MERTK: variants seen among roughly 807,000 people sequenced by gnomAD.
The protein encoded by MERTK is tyrosine-protein kinase Mer.
A neutral mutation model predicts 99.3 loss-of-function variants in MERTK; 69 were observed. The observed-to-expected ratio is 0.70, with a 90% confidence interval of 0.57 to 0.85. The LOEUF is 0.85. Among genes scored for constraint, MERTK ranks in the 40% least tolerant of loss-of-function variants. The pLI is 0.00. For missense variants in MERTK, 1,125 were observed against 1,249.4 expected (o/e 0.90, Z 1.50); for synonymous variants, 426 against 467.6 (o/e 0.91, Z 1.15).
chr2:112,019,608 A>G (rs570157738), intron 16 of MERTK, 86 bp downstream of exon 16: 15 of 1,006,082 alleles, frequency 1.5e-5, no homozygotes, highest in Middle Eastern at 2.3e-4. Flanking sequence ...GTTCCTGTTT[A>G]GATAGGCAAG....
intron 1 of MERTK, among the ~76,000 whole-genome samples, chr2:111,904,220 G>T (rs1684095837): frequency 6.6e-6 from 1 of 152,144 alleles, no homozygotes; most frequent in African/African-American, 2.4e-5. Flanking sequence ...ATAGCTTCTT[G>T]TCATGTGCCT....
chr2:112,006,926 G>A (rs1219662335), intron 13 of MERTK, among the ~76,000 whole-genome samples: 1 of 131,180 alleles, frequency 7.6e-6, no homozygotes, highest in African/African-American at 2.5e-5. Context: ...CAATAGGATG[G>A]TATAGACACT....
chr2:111,906,837 G>T (rs748283696), intron 1 of MERTK, among the ~76,000 whole-genome samples: 7 of 152,240 alleles, frequency 4.6e-5, no homozygotes, highest in Non-Finnish European at 8.8e-5. Context: ...AGCTTTGAGA[G>T]GAACCTGCAG....
chr2:111,997,871 G>A (rs568929404), intron 10 of MERTK, among the ~76,000 whole-genome samples: 1 of 152,334 alleles, frequency 6.6e-6, no homozygotes, highest in East Asian at 1.9e-4. Flanking sequence ...GGCCACCATG[G>A]CAAAATGTCA....
rs886402770 is a variant in MERTK at position 111,947,694 on chromosome 2, G to A, written c.757+127G>A. The A allele has an allele frequency of 4.5e-6, 5 of 1,116,986 alleles. No individual in the cohort carries two copies. The East Asian group carries it at 7.3e-5, about 16-fold the overall frequency. 69.2% of individuals were successfully genotyped at this position (1,116,986 alleles called of 1,614,324 possible). ...ATGAAAATACAGGTGTGGCAGCAAA[G>A]TTATGGGACCAGGTAGACGGGAAGG... On this transcript the variant is annotated intron_variant, in intron 4 of 18. Coordinates refer to ENST00000295408, the MANE Select transcript of MERTK (RefSeq NM_006343.3).
intron 15 of MERTK, 36 bp from the exon 16 acceptor site, chr2:112,019,377 A>G: frequency 6.5e-7 from 1 of 1,530,708 alleles, no homozygotes; most frequent in Non-Finnish European, 9.1e-7. Flanking sequence ...TCCTTTTTAA[A>G]AGATAGTCTT....
chr2:111,915,555 G>A (rs376056534), intron 1 of MERTK, among the ~76,000 whole-genome samples: 4 of 140,652 alleles, frequency 2.8e-5, no homozygotes, highest in African/African-American at 8.1e-5. Context: ...TTTTCATTTA[G>A]TTCAACGTAT....
intron 10 of MERTK, among the ~76,000 whole-genome samples, chr2:111,998,931 TC>T (rs754642250): frequency 6.2e-4 from 94 of 152,218 alleles, no homozygotes; most frequent in Non-Finnish European, 1.2e-3. Flanking sequence ...ATTCATTTGT[TC>T]CTTTTGTAAA....
chr2:111,990,305 A>G (rs544823871), intron 8 of MERTK, among the ~76,000 whole-genome samples: 20 of 152,382 alleles, frequency 1.3e-4, no homozygotes, highest in South Asian at 2.1e-4. Context: ...CTTTTAAAAT[A>G]TATGTCATAT....
chr2:111,900,369 C>T (rs113253619), intron 1 of MERTK, among the ~76,000 whole-genome samples: 1 of 152,206 alleles, frequency 6.6e-6, no homozygotes. Context: ...TCCACTGCCC[C>T]TCCCTCCACC....
rs775348346 is a variant in MERTK at position 112,021,454 on chromosome 2, A to G, written c.2222A>G (p.Asp741Gly). The G allele has an allele frequency of 3.1e-6, 5 of 1,613,722 alleles. No homozygotes were observed. Residue 741 changes from aspartate (D) to glycine (G), a missense_variant, in exon 17 of 19, where the codon GAC (aspartate) becomes GGC (glycine). Transcript: ENST00000295408. ...LRDDMTVCVA[D>G]FGLSKKIYSG... ...GATGACATGACTGTCTGTGTTGCGG[A>G]CTTCGGCCTCTCTAAGAAGATTTAC...
chr2:111,986,869 C>G (rs1676488108), intron 8 of MERTK, among the ~76,000 whole-genome samples: 1 of 152,128 alleles, frequency 6.6e-6, no homozygotes, highest in South Asian at 2.1e-4. Context: ...GGAAAACATT[C>G]TCTGATGCAG....
chr2:112,028,083 G>C (rs1340895113), intron 18 of MERTK: 1 of 501,016 alleles, frequency 2.0e-6, no homozygotes, highest in African/African-American at 1.9e-5. Flanking sequence ...TAAAGAAAGA[G>C]ACCTAAATAC....
chr2:111,983,587 C>T (rs1218626641), intron 8 of MERTK, among the ~76,000 whole-genome samples: 1 of 152,192 alleles, frequency 6.6e-6, no homozygotes, highest in African/African-American at 2.4e-5. Context: ...CATAACACAA[C>T]CAGGTGCATC....
chr2:111,967,193 G>C (rs191241437), intron 5 of MERTK, among the ~76,000 whole-genome samples: 1 of 152,176 alleles, frequency 6.6e-6, no homozygotes, highest in African/African-American at 2.4e-5. Context: ...GGGTCAGGCA[G>C]ACCAGAGTTC....
chr2:111,966,011 G>T (rs1380743396), intron 5 of MERTK, among the ~76,000 whole-genome samples: 1 of 152,104 alleles, frequency 6.6e-6, no homozygotes. Context: ...TGTTAAACTT[G>T]AAATTTGAAA....
intron 11 of MERTK, 48 bp from the exon 12 acceptor site, chr2:112,003,044 G>C: frequency 1.2e-6 from 1 of 851,464 alleles, no homozygotes; most frequent in Non-Finnish European, 2.1e-6. Flanking sequence ...TCAAGTGAAA[G>C]AAAACACGCT....
At chr2:111,940,434 A>G in intron 2 of MERTK, 3 of 546,542 alleles carry the variant, frequency 5.5e-6, no homozygotes, top group Admixed American at 3.9e-5. Flanking sequence ...ACAGAATTTG[A>G]GTAGCTTCAT....
intron 2 of MERTK, among the ~76,000 whole-genome samples, chr2:111,939,236 G>A (rs889097159): frequency 6.6e-6 from 1 of 152,106 alleles, no homozygotes; most frequent in South Asian, 2.1e-4. Flanking sequence ...AGGGGGCTGA[G>A]CGTGCTCATG....
Sources: gnomAD v4.1 joint callset for allele counts (sites outside exome capture counted in the v4.1 genomes callset) on GRCh38, gnomAD v4.1.1 for gene constraint, MANE v1.5 for transcripts, NCBI Gene and HGNC (gene_info 2026-07-23, HGNC 2026-07-21) for gene names.